The following FKBP9 variants were observed in gnomAD, a reference collection of about 807,000 sequenced individuals.
The protein encoded by FKBP9 is FKBP prolyl isomerase 9.
FKBP9 carries 27 observed loss-of-function variants against 55.6 expected under a neutral mutation model. The ratio of observed to expected loss-of-function variants is 0.49; its 90% CI spans 0.36 to 0.67. FKBP9 has a LOEUF of 0.67. Among genes scored for constraint, FKBP9 ranks in the 30% least tolerant of loss-of-function variants. The pLI, the probability that FKBP9 is intolerant of heterozygous loss-of-function variation, is 0.00. For missense variants in FKBP9, 539 were observed against 742.8 expected, an observed-to-expected ratio of 0.73 and a Z score of 3.19; for synonymous variants, 267 against 296.5, an observed-to-expected ratio of 0.90 and a Z score of 1.02.
chr7:32,965,878 T>TAG lies in FKBP9; in HGVS notation c.221+8085_221+8086insGA, dbSNP rs1405571579. Among the ~76,000 whole-genome samples the TAG allele has an allele frequency of 5.1e-3, 507 of 99,584 alleles. 7 individuals carry two copies. The highest frequency in any genetic ancestry group is 9.0e-3 in the African/African-American group (189 of 20,924). 65.3% of individuals were successfully genotyped at this position (99,584 alleles called of 152,430 possible). A position where few individuals can be genotyped will look rare whatever the true frequency, so the allele number is the denominator to read the frequency against. On this transcript the variant is annotated intron_variant, in intron 1 of 9. Transcript: ENST00000242209. ...AGATATATATATATACATACATATA[T>TAG]ATATATAGAGAGAGAGAGAGAGAGC...
intron 5 of FKBP9, among the ~76,000 whole-genome samples, chr7:32,986,966 G>T (rs1784591346): frequency 6.6e-6 from 1 of 152,196 alleles, no homozygotes; most frequent in African/African-American, 2.4e-5. Context: ...ATGCTGTGGG[G>T]AATTGATTCC....
intron 1 of FKBP9, among the ~76,000 whole-genome samples, chr7:32,973,883 G>T (rs1178728849): frequency 1.1e-4 from 15 of 141,754 alleles, no homozygotes; most frequent in Middle Eastern, 7.0e-3. Context: ...GTAGAGATGG[G>T]GTTTCACCGT....
chr7:32,984,571 C>T (rs763399199), intron 5 of FKBP9, among the ~76,000 whole-genome samples: 1 of 152,106 alleles, frequency 6.6e-6, no homozygotes, highest in African/African-American at 2.4e-5. Context: ...GGTAATATGT[C>T]CTAATTGCAT....
intron 4 of FKBP9, among the ~76,000 whole-genome samples, chr7:32,978,126 T>C (rs191078718): frequency 6.6e-6 from 1 of 151,904 alleles, no homozygotes; most frequent in East Asian, 1.9e-4. Flanking sequence ...TTCGCCATGT[T>C]GGCCAGACTT....
intron 1 of FKBP9, among the ~76,000 whole-genome samples, chr7:32,960,751 A>C (rs1448596136): frequency 6.6e-6 from 1 of 152,194 alleles, no homozygotes; most frequent in African/African-American, 2.4e-5. Context: ...GTCCTAGTCT[A>C]GTATGCTTCT....
chr7:32,995,414 C>T (rs1328797134), intron 6 of FKBP9, among the ~76,000 whole-genome samples: 4 of 152,050 alleles, frequency 2.6e-5, no homozygotes, highest in East Asian at 1.9e-4. Flanking sequence ...TTAAGTGTCC[C>T]CCACGCCCCT....
At chr7:32,972,788 T>A (rs1784278578) in intron 1 of FKBP9, among the ~76,000 whole-genome samples, 1 of 152,144 alleles carries the variant, frequency 6.6e-6, no homozygotes, top group South Asian at 2.1e-4. Flanking sequence ...AGTGGCACCA[T>A]CTCAGCTCAC....
At chr7:32,981,856 C>T (rs1784482863) in intron 5 of FKBP9, among the ~76,000 whole-genome samples, 1 of 147,808 alleles carries the variant, frequency 6.8e-6, no homozygotes, top group Non-Finnish European at 1.5e-5. Context: ...GAGATCACAC[C>T]ACTGCACTCC....
At chr7:32,965,306 T>G (rs1349035384) in intron 1 of FKBP9, among the ~76,000 whole-genome samples, 1 of 151,904 alleles carries the variant, frequency 6.6e-6, no homozygotes, top group African/African-American at 2.4e-5. Flanking sequence ...AATTTTTGTA[T>G]TTTTGGTAGA....
chr7:32,992,889 G>T (rs1185820668), intron 6 of FKBP9: 1 of 230,636 alleles, frequency 4.3e-6, no homozygotes, highest in Non-Finnish European at 8.6e-6. Context: ...TGCCTCAGAG[G>T]TTATCAGGCA....
intron 6 of FKBP9, 146 bp downstream of exon 6, chr7:32,988,798 C>T (rs1221804835): frequency 1.3e-5 from 10 of 762,256 alleles, no homozygotes; most frequent in Admixed American, 8.7e-5. Flanking sequence ...GTGTGATCAT[C>T]GTGTACTATG....
chr7:32,992,043 A>G (rs992454206), intron 6 of FKBP9, among the ~76,000 whole-genome samples: 1 of 152,150 alleles, frequency 6.6e-6, no homozygotes, highest in African/African-American at 2.4e-5. Context: ...CTAATCCATG[A>G]TGGAGCTGGA....
intron 1 of FKBP9, among the ~76,000 whole-genome samples, chr7:32,959,080 C>T (rs1783963310): frequency 6.6e-6 from 1 of 150,958 alleles, no homozygotes; most frequent in Non-Finnish European, 1.5e-5. Context: ...TAGAAATGGT[C>T]ATTCTTACTA....
intron 1 of FKBP9, among the ~76,000 whole-genome samples, chr7:32,961,400 T>C (rs1328936432): frequency 2.6e-5 from 4 of 152,204 alleles, no homozygotes; most frequent in African/African-American, 9.7e-5. Flanking sequence ...AGTTTCCGAT[T>C]CAGTAGCTCT....
At position 32,960,108 on chromosome 7, in the gene FKBP9, CTT is replaced by C. The variant is rs398004304; in HGVS notation, c.221+2334_221+2335del. On this transcript the variant is annotated intron_variant, in intron 1 of 9. Transcript: ENST00000242209. ...CGGTCTCAACAACACTTGTACTTGT[CTT>C]TTTTTTTTTTTTTTTTTTTGAGATG... is the stretch of plus-strand genomic sequence containing the variant. Among the ~76,000 whole-genome samples the C allele has an allele frequency of 1.0e-4, 10 of 98,616 alleles. No homozygotes were observed. In the East Asian group the frequency reaches 3.0e-3, roughly 30 times the overall value. 64.7% of individuals were successfully genotyped at this position (98,616 alleles called of 152,430 possible).
In FKBP9 at chr7:33,006,581, TGAGC is replaced by T. The variant is rs1444237508; in HGVS notation, c.*1231_*1234del. 1 of 209,890 alleles carries T rather than the reference TGAGC, an allele frequency of 4.8e-6. No individual in the cohort carries two copies. The highest frequency in any genetic ancestry group is 9.7e-6 in the Non-Finnish European group (1 of 103,286). The allele number at this position is 209,890 out of a possible 1,614,324, so 13.0% of individuals were successfully genotyped here. ...AGTTTTGTCCCAATAGATGAGCTGCTGAGCATCAACAAGGTGACATTTTTCTGCT... is the reference window on the plus strand; with the variant it reads ...AGTTTTGTCCCAATAGATGAGCTGCTATCAACAAGGTGACATTTTTCTGCT... On this transcript the variant is annotated 3_prime_UTR_variant, in exon 10 of 10. Coordinates refer to ENST00000242209, the MANE Select transcript of FKBP9 (RefSeq NM_007270.5).
chr7:32,975,804 A>G (rs11533899), intron 3 of FKBP9, among the ~76,000 whole-genome samples: 117,765 of 151,824 alleles, frequency 0.78, 45,830 homozygotes, highest in South Asian at 0.86. Context: ...ATGCCACCAC[A>G]CCAAGCTAAT....
At chr7:32,964,493 G>A (rs1359447124) in intron 1 of FKBP9, among the ~76,000 whole-genome samples, 1 of 152,136 alleles carries the variant, frequency 6.6e-6, no homozygotes, top group Non-Finnish European at 1.5e-5. Context: ...ATGGGTCAAA[G>A]CCCATCCAAG....
intron 4 of FKBP9, among the ~76,000 whole-genome samples, chr7:32,978,043 T>C (rs1784400659): frequency 6.6e-6 from 1 of 151,352 alleles, no homozygotes; most frequent in Non-Finnish European, 1.5e-5. Context: ...TGCCTCAGCC[T>C]CCTGGGTAGC....
Sources: gnomAD v4.1 joint callset for allele counts (sites outside exome capture counted in the v4.1 genomes callset) on GRCh38, gnomAD v4.1.1 for gene constraint, MANE v1.5 for transcripts, NCBI Gene and HGNC (gene_info 2026-07-23, HGNC 2026-07-21) for gene names.